Variants in BCKDHB observed in about 807,000 individuals in gnomAD.
The protein encoded by BCKDHB is 2-oxoisovalerate dehydrogenase subunit beta, mitochondrial.
BCKDHB carries 41 observed loss-of-function variants against 48.5 expected under a neutral mutation model. The observed-to-expected ratio is 0.85, with a 90% CI of 0.66 to 1.10. The LOEUF (loss-of-function observed/expected upper bound fraction) is 1.10. Among genes scored for constraint, BCKDHB ranks in the 50% least tolerant of loss-of-function variants. BCKDHB has a pLI of 0.00. For synonymous variants in BCKDHB, 201 were observed against 174.8 expected (o/e 1.15, Z -1.18); for missense variants, 496 against 494.2 (o/e 1.00, Z -0.03).
chr6:80,275,637 C>T (rs1055174971), intron 9 of BCKDHB, among the ~76,000 whole-genome samples: 1 of 151,726 alleles, frequency 6.6e-6, no homozygotes, highest in Non-Finnish European at 1.5e-5. Flanking sequence ...CTTTTATCTA[C>T]TGATAAAGAA....
chr6:80,193,413 G>A (rs1439558400), intron 6 of BCKDHB, among the ~76,000 whole-genome samples: 2 of 151,962 alleles, frequency 1.3e-5, no homozygotes, highest in South Asian at 2.1e-4. Context: ...ATATGTACAA[G>A]TATCTCAGTT....
chr6:80,180,481 T>A (rs528860087), intron 6 of BCKDHB, among the ~76,000 whole-genome samples: 4 of 152,210 alleles, frequency 2.6e-5, no homozygotes, highest in Non-Finnish European at 5.9e-5. Flanking sequence ...GTCTTTTGGT[T>A]TTACTTAATT....
chr6:80,198,630 G>A (rs756812997), intron 6 of BCKDHB, among the ~76,000 whole-genome samples: 7 of 152,106 alleles, frequency 4.6e-5, no homozygotes, highest in African/African-American at 7.2e-5. Flanking sequence ...AAACTACTTT[G>A]ACATGGAAAT....
the BCKDHB span, among the ~76,000 whole-genome samples, chr6:80,393,632 C>T: frequency 6.6e-6 from 1 of 152,136 alleles, no homozygotes; most frequent in African/African-American, 2.4e-5. Flanking sequence ...TTATAGCAGC[C>T]CAAATGGGCT....
At chr6:80,309,391 T>A (rs1768042706) in intron 9 of BCKDHB, among the ~76,000 whole-genome samples, 1 of 152,104 alleles carries the variant, frequency 6.6e-6, no homozygotes, top group South Asian at 2.1e-4. Flanking sequence ...AACAATAAAT[T>A]TTAATATTGG....
chr6:80,118,090 A>G (rs1769805871), intron 1 of BCKDHB, among the ~76,000 whole-genome samples: 6 of 152,210 alleles, frequency 3.9e-5, no homozygotes, highest in Admixed American at 3.9e-4. Flanking sequence ...TTTACCCAAG[A>G]CTATTATCTT....
rs547828443 is a variant in BCKDHB at position 80,140,419 on chromosome 6, A to G, written c.343+11190A>G. Among the ~76,000 whole-genome samples the G allele has an allele frequency of 5.9e-5, 9 of 152,292 alleles. No individual in the cohort carries two copies. The South Asian group carries it at 1.2e-3, about 21-fold the overall frequency. On this transcript the variant is annotated intron_variant, in intron 3 of 9. Coordinates refer to ENST00000320393, the MANE Select transcript of BCKDHB (RefSeq NM_183050.4). ...GAATGCTTCCAGTTTTTGTCCATTC[A>G]GTATGATATTGGCTGTGGGTTTGTC...
intron 3 of BCKDHB, among the ~76,000 whole-genome samples, chr6:80,159,302 A>C (rs976511973): frequency 2.6e-5 from 4 of 152,156 alleles, no homozygotes; most frequent in African/African-American, 9.7e-5. Flanking sequence ...AAACCCAAAA[A>C]AACAACAAAA....
At chr6:80,220,450 A>ATTTTTTTTTT (rs1775389626) in intron 8 of BCKDHB, among the ~76,000 whole-genome samples, 1 of 60,758 alleles carries the variant, frequency 1.6e-5, no homozygotes, top group African/African-American at 5.9e-5. Flanking sequence ...TTCATTTGTG[A>ATTTTTTTTTT]TTGTTGATTA....
At chr6:80,448,657 G>C in the BCKDHB span, among the ~76,000 whole-genome samples, 1 of 152,158 alleles carries the variant, frequency 6.6e-6, no homozygotes, top group South Asian at 2.1e-4. Flanking sequence ...ACACACAAAA[G>C]TGGAAGAAAT....
chr6:80,262,908 T>C (rs559833204), intron 8 of BCKDHB, among the ~76,000 whole-genome samples: 18 of 152,298 alleles, frequency 1.2e-4, no homozygotes, highest in African/African-American at 4.1e-4. Context: ...GTTACTGTTA[T>C]AGTCCTTGTC....
intron 9 of BCKDHB, among the ~76,000 whole-genome samples, chr6:80,322,664 C>T (rs962305539): frequency 3.9e-5 from 6 of 152,050 alleles, no homozygotes; most frequent in African/African-American, 9.7e-5. Flanking sequence ...GGGAAGTATA[C>T]TCACAAAAGA....
intron 8 of BCKDHB, among the ~76,000 whole-genome samples, chr6:80,258,291 G>T (rs556044473): frequency 1.6e-4 from 25 of 152,216 alleles, no homozygotes; most frequent in African/African-American, 5.5e-4. Context: ...GCTTTTCATG[G>T]TTCAGGTGCC....
At chr6:80,294,334 T>C (rs1281536447) in intron 9 of BCKDHB, among the ~76,000 whole-genome samples, 1 of 152,202 alleles carries the variant, frequency 6.6e-6, no homozygotes, top group African/African-American at 2.4e-5. Context: ...ATGGTGATAA[T>C]TGTGTTAACT....
intron 1 of BCKDHB, among the ~76,000 whole-genome samples, chr6:80,125,144 C>G (rs1770276322): frequency 6.6e-6 from 1 of 152,202 alleles, no homozygotes; most frequent in Admixed American, 6.5e-5. Context: ...TGCAGCTTCT[C>G]CATCAGCACT....
At chr6:80,386,369 A>G in the BCKDHB span, among the ~76,000 whole-genome samples, 117 of 152,282 alleles carry the variant, frequency 7.7e-4, no homozygotes, top group Middle Eastern at 3.4e-3. Flanking sequence ...ATATCTTGGA[A>G]TACTCTACAG....
intron 2 of BCKDHB, among the ~76,000 whole-genome samples, 160 bp downstream of exon 2, chr6:80,127,784 C>T (rs1770423688): frequency 6.6e-6 from 1 of 152,166 alleles, no homozygotes; most frequent in South Asian, 2.1e-4. Flanking sequence ...TATTAGTCCA[C>T]TTATTACCAG....
chr6:80,107,727 G>A (rs1232546484), intron 1 of BCKDHB, among the ~76,000 whole-genome samples: 1 of 151,742 alleles, frequency 6.6e-6, no homozygotes, highest in Non-Finnish European at 1.5e-5. Flanking sequence ...GGGCTATGCT[G>A]CCACTTAGCC....
chr6:80,417,365 G>A, the BCKDHB span, among the ~76,000 whole-genome samples: 96 of 152,222 alleles, frequency 6.3e-4, no homozygotes, highest in Non-Finnish European at 1.1e-3. Flanking sequence ...AGTATGATAT[G>A]TGTGGATTTG....
Sources: gnomAD v4.1 joint callset for allele counts (sites outside exome capture counted in the v4.1 genomes callset) on GRCh38, gnomAD v4.1.1 for gene constraint, MANE v1.5 for transcripts, NCBI Gene and HGNC (gene_info 2026-07-23, HGNC 2026-07-21) for gene names.